MAG: variants seen among roughly 807,000 people sequenced by gnomAD.
MAG encodes the protein myelin associated glycoprotein, also known as myelin-associated glycoprotein.
MAG carries 30 observed loss-of-function variants against 60.7 expected under a neutral mutation model. The observed-to-expected ratio is 0.49, with a 90% CI of 0.37 to 0.67. The LOEUF (loss-of-function observed/expected upper bound fraction) is 0.67. MAG is among the 30% of genes least tolerant of loss of function. MAG has a pLI of 0.00. For synonymous variants in MAG, 384 were observed against 376.8 expected (o/e 1.02, Z -0.22); for missense variants, 795 against 851.7 (o/e 0.93, Z 0.83).
intron 10 of MAG, 143 bp downstream of exon 10, chr19:35,312,160 G>T: frequency 7.9e-7 from 1 of 1,266,274 alleles, no homozygotes. Context: ...GGCTGGGTTG[G>T]ACCTGGAGGC....
chr19:35,294,144 G>C lies in MAG; in HGVS notation c.-79-91G>C. ...GGCCACATGGGCAGCCTGACAACAG[G>C]TCACAACCCATGCAGGAGATACTGA... On this transcript the variant is annotated intron_variant, in intron 1 of 10. Transcript: ENST00000392213. The C allele has an allele frequency of 2.4e-5, 8 of 329,384 alleles. 1 individual carries two copies. Among genetic ancestry groups the C allele is most frequent in the South Asian group, 1.9e-4 (8 of 43,160 alleles). 20.4% of individuals were successfully genotyped at this position (329,384 alleles called of 1,614,324 possible).
intron 9 of MAG, 69 bp downstream of exon 9, chr19:35,310,712 C>T: frequency 7.2e-7 from 1 of 1,392,614 alleles, no homozygotes; most frequent in Admixed American, 1.7e-5. Context: ...GAGATGGAGG[C>T]CCAGAGTGGG....
intron 7 of MAG, among the ~76,000 whole-genome samples, chr19:35,306,504 C>T (rs148925051): frequency 2.0e-5 from 3 of 151,940 alleles, no homozygotes; most frequent in East Asian, 3.9e-4. Flanking sequence ...GTGGTTTGAT[C>T]ATCGCTCACT....
chr19:35,306,466 C>T (rs1043131217), intron 7 of MAG, among the ~76,000 whole-genome samples: 2 of 152,128 alleles, frequency 1.3e-5, no homozygotes, highest in African/African-American at 4.8e-5. Context: ...GAGACAGGGT[C>T]TTGCTCTGTT....
intron 9 of MAG, among the ~76,000 whole-genome samples, chr19:35,310,875 G>A (rs1028516837): frequency 6.6e-6 from 1 of 152,176 alleles, no homozygotes; most frequent in East Asian, 1.9e-4. Flanking sequence ...CATCATTTGA[G>A]ACCTGTTTGC....
At chr19:35,302,360 G>T in intron 6 of MAG, 88 bp from the exon 7 acceptor site, 1 of 1,512,458 alleles carries the variant, frequency 6.6e-7, no homozygotes, top group East Asian at 2.3e-5. Context: ...GTTTGGGGTG[G>T]GATCTGGGGT....
At chr19:35,302,363 T>G (rs1367876766) in intron 6 of MAG, 85 bp from the exon 7 acceptor site, 1 of 1,535,680 alleles carries the variant, frequency 6.5e-7, no homozygotes, top group African/African-American at 1.4e-5. Context: ...TGGGGTGGGA[T>G]CTGGGGTCAT....
At chr19:35,308,134 G>A (rs773393596) in intron 7 of MAG, among the ~76,000 whole-genome samples, 1 of 152,172 alleles carries the variant, frequency 6.6e-6, no homozygotes, top group Non-Finnish European at 1.5e-5. Flanking sequence ...TGAGTGCTGG[G>A]GAGGAGAACT....
In MAG at chr19:35,300,211, G is replaced by C; in HGVS notation, c.777G>C (p.Leu259=). Residue 259 remains leucine, a synonymous_variant, in exon 6 of 11, where the codon CTG becomes CTC. Coordinates refer to ENST00000392213, the MANE Select transcript of MAG (RefSeq NM_002361.4). ...VEAIEGSHVS[L]LCGADSNPPP... is the part of the protein sequence containing the mutation. ...CCATCGAGGGCTCCCACGTGAGCCT[G>C]CTCTGTGGGGCTGACAGCAACCCCC... 6.3e-7 allele frequency: 1 copy of C among 1,582,510 alleles called. No homozygotes were observed. The highest frequency in any genetic ancestry group is 8.6e-7 in the Non-Finnish European group (1 of 1,162,976).
Position 35,300,326 on chromosome 19 carries a change from G to A in MAG, c.892G>A (p.Ala298Thr), listed in dbSNP as rs199823976. The A allele has an allele frequency of 2.8e-5, 45 of 1,599,080 alleles. No homozygotes were observed. The highest frequency in any genetic ancestry group is 3.8e-5 in the Non-Finnish European group (45 of 1,179,414). The stretch of plus-strand genomic sequence containing the variant: ...CCTGGAGCTGGAGGAGGTGACCCCC[G>A]CCGAAGACGGCGTCTATGCCTGCCT... ...LLLELEEVTP[A>T]EDGVYACLAE... Residue 298 changes from alanine to threonine, a missense_variant, in exon 6 of 11, where the codon GCC becomes ACC. Coordinates refer to ENST00000392213, the MANE Select transcript of MAG (RefSeq NM_002361.4).
chr19:35,302,778 G>A (rs1156260714), intron 7 of MAG, 70 bp downstream of exon 7: 5 of 1,564,124 alleles, frequency 3.2e-6, no homozygotes, highest in East Asian at 2.2e-5. Context: ...TACTGTGGGT[G>A]CCCACGCATC....
At chr19:35,312,625 G>A (rs1404762830) in intron 10 of MAG, 2 of 509,538 alleles carry the variant, frequency 3.9e-6, no homozygotes, top group East Asian at 6.3e-5. Context: ...CAGGACCCAT[G>A]GGGGGGCACG....
intron 6 of MAG, among the ~76,000 whole-genome samples, chr19:35,301,765 C>T (rs545566712): frequency 6.6e-6 from 1 of 152,204 alleles, no homozygotes; most frequent in East Asian, 1.9e-4. Context: ...AGGGTTTCAC[C>T]ATGTTGGTCA....
In MAG at chr19:35,299,741, G is replaced by A. The variant is rs3746249; in HGVS notation, c.603G>A (p.Leu201=). Residue 201 remains leucine (L), a synonymous_variant, in exon 5 of 11, where the codon CTG becomes CTA. Transcript: ENST00000392213. ...EDEGTWVQVS[L]LHFVPTREAN... is the part of the protein sequence containing the mutation. ...AGGGCACCTGGGTGCAGGTGTCACT[G>A]CTGCACTTCGTGCCCACGAGGGAGG... 7.7e-3 allele frequency: 11,941 copies of A among 1,560,146 alleles called. 403 individuals are homozygous for A. The East Asian group carries it at 0.09, about 12-fold the overall frequency.
chr19:35,309,184 T>C (rs552529531), intron 7 of MAG, among the ~76,000 whole-genome samples: 1 of 152,092 alleles, frequency 6.6e-6, no homozygotes, highest in African/African-American at 2.4e-5. Context: ...GCCTCAAAAG[T>C]GGCACCAGAA....
intron 4 of MAG, 109 bp downstream of exon 4, chr19:35,296,090 C>T: frequency 7.0e-7 from 1 of 1,429,510 alleles, no homozygotes; most frequent in South Asian, 1.4e-5. Context: ...GATGGCAGAT[C>T]TGGGAGGTGC....
chr19:35,308,441 G>T (rs990909887), intron 7 of MAG, among the ~76,000 whole-genome samples: 1 of 152,212 alleles, frequency 6.6e-6, no homozygotes, highest in African/African-American at 2.4e-5. Flanking sequence ...GAAAGACTTT[G>T]TATTTTGGGC....
chr19:35,299,422 G>A (rs2066428778), intron 4 of MAG, 132 bp from the exon 5 acceptor site: 1 of 646,818 alleles, frequency 1.5e-6, no homozygotes. Flanking sequence ...TGGAGGCAGG[G>A]AGCGGAGGCG....
At position 35,299,724 on chromosome 19, in the gene MAG, TG is replaced by T; in HGVS notation, c.589del (p.Val197CysfsTer45). 1 of 1,568,652 alleles carries T rather than the reference TG, an allele frequency of 6.4e-7. No homozygotes were observed. Among genetic ancestry groups the T allele is most frequent in the South Asian group, 1.2e-5 (1 of 86,040 alleles). ...CCGGCTGCGGGAGGACGAGGGCACC[TG>T]GGTGCAGGTGTCACTGCTGCACTTC... The part of the protein sequence containing the change: ...LGRLREDEGT[W>X]VQVSLLHFVP... On this transcript the variant is annotated frameshift_variant, in exon 5 of 11. Coordinates refer to ENST00000392213, the MANE Select transcript of MAG (RefSeq NM_002361.4). LOFTEE classifies it high-confidence loss of function.
Sources: gnomAD v4.1 joint callset for allele counts (sites outside exome capture counted in the v4.1 genomes callset) on GRCh38, gnomAD v4.1.1 for gene constraint, MANE v1.5 for transcripts, NCBI Gene and HGNC (gene_info 2026-07-23, HGNC 2026-07-21) for gene names.